Variants in APTX observed in about 807,000 individuals in gnomAD.
The protein encoded by APTX is aprataxin.
In APTX, 33 loss-of-function variants were observed where a neutral mutation model predicts 42.3. The ratio of observed to expected loss-of-function variants is 0.78; its 90% CI spans 0.59 to 1.04. APTX has a LOEUF of 1.04. APTX is among the 50% of genes least tolerant of loss of function. The probability of loss-of-function intolerance (pLI) is 0.00; values close to 1 mark genes in which losing one functional copy is unlikely to be tolerated. For missense variants in APTX, 421 were observed against 415.1 expected, an observed-to-expected ratio of 1.01 and a Z score of -0.12; for synonymous variants, 130 against 146.7, an observed-to-expected ratio of 0.89 and a Z score of 0.82.
chr9:32,994,412 A>G (rs1834354179), intron 1 of APTX, among the ~76,000 whole-genome samples: 1 of 151,980 alleles, frequency 6.6e-6, no homozygotes, highest in African/African-American at 2.4e-5. Context: ...GTGCTTATGT[A>G]TTTCACCTCC....
intron 1 of APTX, among the ~76,000 whole-genome samples, chr9:33,018,638 G>A (rs1738059718): frequency 1.3e-5 from 2 of 150,034 alleles, no homozygotes; most frequent in Non-Finnish European, 3.0e-5. Context: ...CCAGCACTTT[G>A]GCAGGCCGAG....
At position 32,984,862 on chromosome 9, in the gene APTX, C is replaced by G; in HGVS notation, c.544-5G>C. The G allele has an allele frequency of 6.2e-7, 1 of 1,607,804 alleles. No homozygotes were observed. The highest frequency in any genetic ancestry group is 1.3e-5 in the African/African-American group (1 of 74,880). Reference sequence around the variant, plus strand: ...CACCTGCTCATCTTTGTAAACCTAGCAGAGGGATACAAGAGAAGGAAACAG... The same window carrying G: ...CACCTGCTCATCTTTGTAAACCTAGGAGAGGGATACAAGAGAAGGAAACAG... On this transcript the variant is annotated splice_polypyrimidine_tract_variant and splice_region_variant and intron_variant, in intron 5 of 7. Coordinates refer to ENST00000379817, the MANE Select transcript of APTX (RefSeq NM_001195248.2).
chr9:32,984,851 TG>T lies in APTX; in HGVS notation c.549del (p.Tyr183Ter). The stretch of plus-strand genomic sequence containing the variant: ...TTTATCACCACCACCTGCTCATCTT[TG>T]TAAACCTAGCAGAGGGATACAAGAG... Reference protein sequence around the residue: ...ISMQDPKMQVYKDEQVVVIKD... With the variant: ...ISMQDPKMQVXKDEQVVVIKD... On this transcript the variant is annotated frameshift_variant, in exon 6 of 8. Coordinates refer to ENST00000379817, the MANE Select transcript of APTX (RefSeq NM_001195248.2). LOFTEE classifies it high-confidence loss of function. The T allele has an allele frequency of 6.2e-7, 1 of 1,613,874 alleles. No homozygotes were observed. The highest frequency in any genetic ancestry group is 2.2e-5 in the East Asian group (1 of 44,884).
At chr9:33,020,456 A>G (rs1334227087) in intron 1 of APTX, among the ~76,000 whole-genome samples, 1 of 152,182 alleles carries the variant, frequency 6.6e-6, no homozygotes, top group African/African-American at 2.4e-5. Context: ...TTCTGATCTC[A>G]TCGCTCACCA....
Position 32,974,527 on chromosome 9 carries a change from C to A in APTX, c.805G>T (p.Asp269Tyr). 2 of 1,611,078 alleles carry A rather than the reference C, an allele frequency of 1.2e-6. No individual in the cohort carries two copies. The highest frequency in any genetic ancestry group is 1.7e-6 in the Non-Finnish European group (2 of 1,179,004). The stretch of plus-strand genomic sequence containing the variant: ...TTTTTGTTTTTAAGGCAAGGAGAAT[C>A]AAAATCCTGGCTGATCACATGAAGA... Reference protein sequence around the residue: ...VHLHVISQDFDSPCLKNKKHW... With the variant: ...VHLHVISQDFYSPCLKNKKHW... The change falls in exon 7 of 8, where the codon GAT becomes TAT. Residue 269 changes from aspartate to tyrosine, a missense_variant. Physicochemically the swap from Asp to Tyr is radical, Grantham distance 160. Transcript: ENST00000379817.
At chr9:33,005,749 T>A (rs920236933), upstream of APTX, among the ~76,000 whole-genome samples, 16 of 152,244 alleles carry the variant, frequency 1.1e-4, no homozygotes, top group African/African-American at 3.9e-4. Context: ...GTTCATTTTC[T>A]GTACTATGTA....
At chr9:33,013,171 GTTTA>G (rs1837657143) in intron 1 of APTX, among the ~76,000 whole-genome samples, 1 of 152,154 alleles carries the variant, frequency 6.6e-6, no homozygotes, top group Non-Finnish European at 1.5e-5. Flanking sequence ...ATTTACTAGT[GTTTA>G]TTTATATGTG....
At chr9:33,017,579 G>C (rs984433158) in intron 1 of APTX, among the ~76,000 whole-genome samples, 1 of 152,136 alleles carries the variant, frequency 6.6e-6, no homozygotes, top group South Asian at 2.1e-4. Flanking sequence ...ATTCTGATAG[G>C]ACACAAACAT....
At chr9:32,978,239 T>G (rs1018693073) in intron 6 of APTX, among the ~76,000 whole-genome samples, 2 of 152,226 alleles carry the variant, frequency 1.3e-5, no homozygotes, top group African/African-American at 4.8e-5. Context: ...AAGGCCTGTC[T>G]GTCCAGATTC....
At chr9:32,994,627 T>G (rs1407206270) in intron 1 of APTX, among the ~76,000 whole-genome samples, 3 of 152,230 alleles carry the variant, frequency 2.0e-5, no homozygotes, top group Non-Finnish European at 4.4e-5. Context: ...TGTGCTCACT[T>G]CAGGTCTCTG....
At chr9:33,013,785 C>A (rs535061158) in intron 1 of APTX, among the ~76,000 whole-genome samples, 1 of 152,258 alleles carries the variant, frequency 6.6e-6, no homozygotes, top group African/African-American at 2.4e-5. Context: ...GCCTGGGCGA[C>A]GGTGCAAGAC....
rs1238397098 is a variant in APTX, at chr9:32,988,113, C to G, written c.150G>C (p.Glu50Asp). ...TTACCTTGACATATCCCTTGTTACA[C>G]TCTGCTTTCAACTGTACTGAAAGAG... ...CSRQQVQLKA[E>D]CNKGYVKVKQ... The change falls in exon 3 of 8, where the codon GAG becomes GAC. Residue 50 changes from glutamate (E) to aspartate (D), a missense_variant. Transcript: ENST00000379817. 1 of 1,614,032 alleles carries G rather than the reference C, an allele frequency of 6.2e-7. No individual in the cohort carries two copies. The highest frequency in any genetic ancestry group is 1.3e-5 in the African/African-American group (1 of 74,926).
chr9:33,012,789 G>T (rs900924915), intron 1 of APTX, among the ~76,000 whole-genome samples: 1 of 152,156 alleles, frequency 6.6e-6, no homozygotes, highest in Admixed American at 6.5e-5. Context: ...CCAATTTTGA[G>T]GGCAGCTTGC....
In APTX at chr9:32,973,048, C is replaced by T. The variant is rs924560935; in HGVS notation, c.*450G>A. 1 of 454,450 alleles carries T rather than the reference C, an allele frequency of 2.2e-6. No individual in the cohort carries two copies. The highest frequency in any genetic ancestry group is 2.3e-5 in the Admixed American group (1 of 42,596). 28.2% of individuals were successfully genotyped at this position (454,450 alleles called of 1,614,324 possible). ...AAAAGAATATTACAAAACAGACTAA[C>T]AGAAAACAAGACCCATCAGTATCTT... On this transcript the variant is annotated 3_prime_UTR_variant, in exon 8 of 8. Coordinates refer to ENST00000379817, the MANE Select transcript of APTX (RefSeq NM_001195248.2).
At chr9:32,975,995 G>A (rs758508295) in intron 6 of APTX, among the ~76,000 whole-genome samples, 1 of 152,122 alleles carries the variant, frequency 6.6e-6, no homozygotes, top group African/African-American at 2.4e-5. Context: ...TACTCCAAGC[G>A]TACCGTAAGA....
chr9:32,975,057 G>C lies in APTX; in HGVS notation c.771-496C>G, dbSNP rs547634029. Among the ~76,000 whole-genome samples, 8 of 152,252 alleles carry C rather than the reference G, an allele frequency of 5.3e-5. No homozygotes were observed. The South Asian group carries it at 1.7e-3, about 32-fold the overall frequency. The stretch of plus-strand genomic sequence containing the variant: ...AGCACCCAAGCAAGCTAGGTCTGTG[G>C]GAAGAGTGTCTCAGAAAGTGAGGAG... On this transcript the variant is annotated intron_variant, in intron 6 of 7. Transcript: ENST00000379817.
At chr9:32,998,547 A>C (rs1835510540) in intron 1 of APTX, among the ~76,000 whole-genome samples, 1 of 152,262 alleles carries the variant, frequency 6.6e-6, no homozygotes, top group African/African-American at 2.4e-5. Context: ...GCCATAAAAA[A>C]GAATGAGTTC....
intron 1 of APTX, among the ~76,000 whole-genome samples, chr9:33,011,639 TAA>T (rs1024104698): frequency 5.9e-5 from 9 of 152,192 alleles, no homozygotes; most frequent in Non-Finnish European, 1.2e-4. Context: ...ACCAGAATCT[TAA>T]AGAGAGGGAA....
At chr9:33,000,992 C>A (rs980229591) in intron 1 of APTX, among the ~76,000 whole-genome samples, 2 of 151,948 alleles carry the variant, frequency 1.3e-5, no homozygotes, top group African/African-American at 4.8e-5. Context: ...GGATTACAGG[C>A]ATGCGCCACC....
Sources: allele counts gnomAD v4.1 joint callset (sites outside exome capture counted in the v4.1 genomes callset), GRCh38; gene constraint gnomAD v4.1.1; transcripts MANE v1.5; gene names NCBI Gene and HGNC (gene_info 2026-07-23, HGNC 2026-07-21).